RIMS2: variants seen among roughly 807,000 people sequenced by gnomAD.
RIMS2 encodes regulating synaptic membrane exocytosis 2, also known as regulating synaptic membrane exocytosis protein 2.
In RIMS2, 59 loss-of-function variants were observed where a neutral mutation model predicts 174.4. That is an observed-to-expected ratio of 0.34 (90% CI 0.27 to 0.42). The LOEUF is 0.42. Ranked by LOEUF, RIMS2 falls within the 10% of genes least tolerant of loss-of-function variation. RIMS2 has a pLI of 1.00. For synonymous variants in RIMS2, 606 were observed against 572.5 expected (o/e 1.06, Z -0.84); for missense variants, 1,620 against 1,666.3 (o/e 0.97, Z 0.48).
chr8:104,230,040 G>A (rs2099216044), intron 19 of RIMS2, among the ~76,000 whole-genome samples: 1 of 152,140 alleles, frequency 6.6e-6, no homozygotes, highest in African/African-American at 2.4e-5. Context: ...AGCACTTTGG[G>A]AGGCTGAGGT....
chr8:103,646,333 A>T (rs1400517498), intron 1 of RIMS2, among the ~76,000 whole-genome samples: 2 of 151,922 alleles, frequency 1.3e-5, no homozygotes, highest in Non-Finnish European at 2.9e-5. Context: ...AGTTAGGTGT[A>T]CCTAATTTTT....
chr8:104,080,243 G>T (rs1049007968), intron 19 of RIMS2, among the ~76,000 whole-genome samples: 2 of 152,002 alleles, frequency 1.3e-5, no homozygotes, highest in Non-Finnish European at 2.9e-5. Context: ...AAACAAATAT[G>T]TGGTACTTTG....
chr8:104,113,590 A>C (rs2098230727), intron 19 of RIMS2, among the ~76,000 whole-genome samples: 1 of 152,018 alleles, frequency 6.6e-6, no homozygotes. Flanking sequence ...TGGAAGAAAG[A>C]ATTGCATCAG....
intron 1 of RIMS2, among the ~76,000 whole-genome samples, chr8:103,577,927 G>A (rs1194323802): frequency 6.6e-6 from 1 of 151,830 alleles, no homozygotes; most frequent in Non-Finnish European, 1.5e-5. Flanking sequence ...GAAAATAGAA[G>A]AGGAATAAGA....
At chr8:104,090,099 A>G (rs1250982894) in intron 19 of RIMS2, among the ~76,000 whole-genome samples, 1 of 151,504 alleles carries the variant, frequency 6.6e-6, no homozygotes, top group Non-Finnish European at 1.5e-5. Flanking sequence ...ACAGAGCCCA[A>G]TGACAAGAGG....
Position 103,936,544 on chromosome 8 carries a change from T to A in RIMS2, c.2376-7T>A. 1 of 1,532,928 alleles carries A rather than the reference T, an allele frequency of 6.5e-7. No homozygotes were observed. The highest frequency in any genetic ancestry group is 8.8e-7 in the Non-Finnish European group (1 of 1,134,596). 95.0% of individuals were successfully genotyped at this position (1,532,928 alleles called of 1,614,324 possible). A position where few individuals can be genotyped will look rare whatever the true frequency, so the allele number is the denominator to read the frequency against. On this transcript the variant is annotated splice_polypyrimidine_tract_variant and splice_region_variant and intron_variant, in intron 12 of 23. Coordinates refer to ENST00000504942, the Ensembl canonical transcript of RIMS2. ...GTAAGTTCATAATTCATTGTTTTTTTCCATAGTGATAAAAACAAGAGAAGA... is the reference window on the plus strand; with the variant it reads ...GTAAGTTCATAATTCATTGTTTTTTACCATAGTGATAAAAACAAGAGAAGA...
chr8:104,241,948 C>G (rs1232685776), intron 19 of RIMS2, among the ~76,000 whole-genome samples: 1 of 151,904 alleles, frequency 6.6e-6, no homozygotes, highest in African/African-American at 2.4e-5. Context: ...TTAGTAGAGA[C>G]AGATTTTCAC....
chr8:103,575,449 T>G (rs1202885523), intron 1 of RIMS2, among the ~76,000 whole-genome samples: 1 of 151,876 alleles, frequency 6.6e-6, no homozygotes, highest in African/African-American at 2.4e-5. Flanking sequence ...TCAGCAGAAA[T>G]GAATGCATGT....
At chr8:103,652,747 C>G in intron 1 of RIMS2, 37 bp downstream of exon 3, 2 of 1,139,096 alleles carry the variant, frequency 1.8e-6, no homozygotes, top group Non-Finnish European at 2.4e-6. Context: ...AATATTATCT[C>G]TGATAGTATA....
chr8:103,882,804 A>G (rs1373545565), intron 3 of RIMS2, among the ~76,000 whole-genome samples: 5 of 151,664 alleles, frequency 3.3e-5, no homozygotes, highest in African/African-American at 1.2e-4. Context: ...TAGGAAGTAA[A>G]TATTCTTATT....
intron 3 of RIMS2, among the ~76,000 whole-genome samples, chr8:103,848,132 T>C (rs2098977768): frequency 6.6e-6 from 1 of 152,044 alleles, no homozygotes; most frequent in Non-Finnish European, 1.5e-5. Context: ...CCTGTCCATA[T>C]GTGTTATGAC....
rs543091624 is a variant in RIMS2 at position 103,893,451 on chromosome 8, A to G, written c.1624+7228A>G. Among the ~76,000 whole-genome samples, 401 of 152,222 alleles carry G rather than the reference A, an allele frequency of 2.6e-3. 1 individual carries two copies. Among genetic ancestry groups the G allele is most frequent in the Non-Finnish European group, 5.1e-3 (350 of 67,988 alleles). ...CCTCAACCTTTTGGGTATACAATGT[A>G]CTTTTACTGCATGTGGGAGATTATC... is the stretch of plus-strand genomic sequence containing the variant. On this transcript the variant is annotated intron_variant, in intron 4 of 23. Coordinates refer to ENST00000504942, the Ensembl canonical transcript of RIMS2.
chr8:104,143,224 G>C (rs1207067762), intron 19 of RIMS2, among the ~76,000 whole-genome samples: 5 of 152,182 alleles, frequency 3.3e-5, no homozygotes. Context: ...TACTTTACTA[G>C]CCTAAAATCA....
chr8:104,213,996 T>TTGTGC (rs1373414799), intron 19 of RIMS2, among the ~76,000 whole-genome samples: 2 of 152,178 alleles, frequency 1.3e-5, no homozygotes, highest in African/African-American at 2.4e-5. Context: ...GGATCAAGAC[T>TTGTGC]TGTGGCTCCT....
chr8:103,591,149 C>T (rs1588453540), intron 1 of RIMS2, among the ~76,000 whole-genome samples: 1 of 150,988 alleles, frequency 6.6e-6, no homozygotes, highest in East Asian at 1.9e-4. Context: ...TTTGCATATC[C>T]TTGGTGACTA....
chr8:104,224,828 T>C (rs1473383616), intron 19 of RIMS2, among the ~76,000 whole-genome samples: 1 of 152,190 alleles, frequency 6.6e-6, no homozygotes, highest in Non-Finnish European at 1.5e-5. Context: ...GGATTGGTAA[T>C]ATGTCTGGAA....
At chr8:104,225,883 C>A (rs1465250898) in intron 19 of RIMS2, among the ~76,000 whole-genome samples, 19 of 152,300 alleles carry the variant, frequency 1.2e-4, no homozygotes, top group Admixed American at 1.2e-3. Context: ...ATTTTTACAG[C>A]CACGAGTAGA....
At chr8:104,138,848 G>A (rs754947839) in intron 19 of RIMS2, among the ~76,000 whole-genome samples, 7 of 152,120 alleles carry the variant, frequency 4.6e-5, no homozygotes, top group Non-Finnish European at 8.8e-5. Flanking sequence ...GCCCAGACCA[G>A]TGTCCTGGAG....
At chr8:104,185,252 C>A (rs999045433) in intron 19 of RIMS2, among the ~76,000 whole-genome samples, 2 of 151,436 alleles carry the variant, frequency 1.3e-5, no homozygotes, top group Non-Finnish European at 3.0e-5. Flanking sequence ...AAAAATGATT[C>A]TTTATACTTG....
Sources: allele counts gnomAD v4.1 joint callset (sites outside exome capture counted in the v4.1 genomes callset), GRCh38; gene constraint gnomAD v4.1.1; transcripts MANE v1.5; gene names NCBI Gene and HGNC (gene_info 2026-07-23, HGNC 2026-07-21).